Variants in PHF11 observed in about 807,000 individuals in gnomAD.
PHF11 encodes the protein PHD finger protein 11.
Under a neutral mutation model 40.5 loss-of-function variants are expected in PHF11, and 38 were observed. The ratio of observed to expected loss-of-function variants is 0.94; its 90% CI spans 0.72 to 1.23. PHF11 has a LOEUF of 1.23. Among genes scored for constraint, PHF11 ranks in the 50% most tolerant of loss-of-function variants. PHF11 has a pLI of 0.00. For synonymous variants in PHF11, 127 were observed against 138.2 expected (o/e 0.92, Z 0.57); for missense variants, 369 against 392.4 (o/e 0.94, Z 0.50).
At chr13:49,526,621 G>GCCCCCCCCCCC (rs1222135505) in intron 9 of PHF11, among the ~76,000 whole-genome samples, 163 bp downstream of exon 9, 37 of 145,746 alleles carry the variant, frequency 2.5e-4, no homozygotes, top group Non-Finnish European at 3.2e-4. Flanking sequence ...CCGCCCACCT[G>GCCCCCCCCCCC]CCCACACACA....
At chr13:49,513,491 C>T (rs750856492) in intron 3 of PHF11, among the ~76,000 whole-genome samples, 23 of 152,040 alleles carry the variant, frequency 1.5e-4, no homozygotes, top group South Asian at 4.2e-4. Context: ...CCACCATGCT[C>T]GGCAAATTTT....
chr13:49,497,120 G>T, intron 1 of PHF11: 2 of 1,289,286 alleles, frequency 1.6e-6, no homozygotes, highest in Non-Finnish European at 2.0e-6. Context: ...TGACACAAAG[G>T]CACCAAACCA....
At chr13:49,514,180 G>C (rs1959117817) in intron 3 of PHF11, among the ~76,000 whole-genome samples, 1 of 152,126 alleles carries the variant, frequency 6.6e-6, no homozygotes, top group Non-Finnish European at 1.5e-5. Context: ...CAGCAAGTGT[G>C]AGCACCTCAC....
At chr13:49,525,724 T>C in intron 8 of PHF11, 1 of 431,524 alleles carries the variant, frequency 2.3e-6, no homozygotes, top group Non-Finnish European at 4.6e-6. Context: ...ATAGTAAGCA[T>C]TTCCAAAAGC....
At chr13:49,524,239 C>A in intron 8 of PHF11, 23 bp downstream of exon 8, 1 of 1,569,792 alleles carries the variant, frequency 6.4e-7, no homozygotes, top group Non-Finnish European at 8.7e-7. Context: ...AGCAATATTT[C>A]GAAGTATAGA....
At chr13:49,520,791 T>G in intron 4 of PHF11, 103 bp from the exon 5 acceptor site, 1 of 765,194 alleles carries the variant, frequency 1.3e-6, no homozygotes, top group Non-Finnish European at 2.0e-6. Flanking sequence ...TGTGACGCCG[T>G]CATGAAAAGT....
In PHF11 at chr13:49,511,073, T is replaced by C. The variant is rs73188694; in HGVS notation, c.217-1986T>C. 5.8e-4 allele frequency among the ~76,000 whole-genome samples: 89 copies of C among 152,310 alleles called. 1 individual carries two copies. In the East Asian group the frequency reaches 7.1e-3, roughly 12 times the overall value. On this transcript the variant is annotated intron_variant, in intron 2 of 9. Transcript: ENST00000378319. ...AAAGGAATCCTATAGTTGTCCTCCT[T>C]TGTGTCACTTCCTTTGCTCAGCATA...
intron 4 of PHF11, 93 bp downstream of exon 4, chr13:49,518,244 G>A: frequency 1.2e-6 from 1 of 862,910 alleles, no homozygotes; most frequent in South Asian, 2.2e-5. Flanking sequence ...CTAATTTTAT[G>A]TAAATGGTTT....
intron 5 of PHF11, 40 bp downstream of exon 5, chr13:49,520,980 G>A: frequency 2.0e-6 from 3 of 1,523,202 alleles, no homozygotes; most frequent in East Asian, 2.3e-5. Context: ...TTTAAAGAAA[G>A]GTAAACATTT....
At chr13:49,505,361 C>T (rs983485856) in intron 1 of PHF11, among the ~76,000 whole-genome samples, 4 of 152,036 alleles carry the variant, frequency 2.6e-5, no homozygotes, top group Non-Finnish European at 4.4e-5. Flanking sequence ...GAAATAAACG[C>T]TAGCTCCAAA....
intron 2 of PHF11, among the ~76,000 whole-genome samples, chr13:49,509,292 A>G (rs1289956028): frequency 6.6e-6 from 1 of 151,116 alleles, no homozygotes; most frequent in African/African-American, 2.4e-5. Flanking sequence ...GGCTCACTGC[A>G]ACCTCCACTT....
At chr13:49,510,028 TGTGC>T (rs1959062338) in intron 2 of PHF11, among the ~76,000 whole-genome samples, 1 of 152,116 alleles carries the variant, frequency 6.6e-6, no homozygotes, top group African/African-American at 2.4e-5. Flanking sequence ...TGTGTGTGTG[TGTGC>T]TTTTTTTTTG....
intron 1 of PHF11, among the ~76,000 whole-genome samples, chr13:49,497,676 T>G (rs1958835941): frequency 6.6e-6 from 1 of 152,222 alleles, no homozygotes; most frequent in Non-Finnish European, 1.5e-5. Context: ...AATGTGATTC[T>G]CCTACTCAAA....
intron 1 of PHF11, 70 bp downstream of exon 1, chr13:49,496,165 C>T (rs1032495126): frequency 1.0e-6 from 1 of 961,898 alleles, no homozygotes; most frequent in Non-Finnish European, 1.4e-6. Flanking sequence ...AAGGGGCCTG[C>T]CTTCCGGTCG....
At chr13:49,521,865 TTATAA>T (rs1959189472) in intron 5 of PHF11, 173 bp from the exon 6 acceptor site, 2 of 402,038 alleles carry the variant, frequency 5.0e-6, no homozygotes, top group Admixed American at 4.5e-5. Context: ...TGCATTAAAC[TTATAA>T]TATCTTTTTT....
At chr13:49,503,338 A>G (rs1003668018) in intron 1 of PHF11, among the ~76,000 whole-genome samples, 1 of 152,162 alleles carries the variant, frequency 6.6e-6, no homozygotes, top group South Asian at 2.1e-4. Flanking sequence ...CTACCTCCTT[A>G]GCGTGTATTG....
intron 2 of PHF11, among the ~76,000 whole-genome samples, chr13:49,508,300 A>T (rs1594207179): frequency 6.8e-6 from 1 of 146,710 alleles, no homozygotes; most frequent in Non-Finnish European, 1.5e-5. Flanking sequence ...TATAAATATA[A>T]ATAATATGCA....
At chr13:49,502,712 A>G (rs1958926058) in intron 1 of PHF11, among the ~76,000 whole-genome samples, 1 of 151,986 alleles carries the variant, frequency 6.6e-6, no homozygotes, top group Admixed American at 6.5e-5. Context: ...CTGTACCTTG[A>G]TAATACGTTT....
chr13:49,502,861 A>G (rs1034851469), intron 1 of PHF11, among the ~76,000 whole-genome samples: 10 of 151,882 alleles, frequency 6.6e-5, no homozygotes, highest in Non-Finnish European at 1.5e-4. Flanking sequence ...TAGCTGGGAT[A>G]ACAGGCATGC....
Sources: allele counts gnomAD v4.1 joint callset (sites outside exome capture counted in the v4.1 genomes callset), GRCh38; gene constraint gnomAD v4.1.1; transcripts MANE v1.5; gene names NCBI Gene and HGNC (gene_info 2026-07-23, HGNC 2026-07-21).